The following ST8SIA2 variants were observed in gnomAD, a reference collection of about 807,000 sequenced individuals.
ST8SIA2 encodes the protein alpha-2,8-sialyltransferase 8B.
Under a neutral mutation model 37.6 loss-of-function variants are expected in ST8SIA2, and 22 were observed. The observed-to-expected ratio is 0.58, with a 90% CI of 0.42 to 0.83. The LOEUF (loss-of-function observed/expected upper bound fraction) is 0.83. Ranked by LOEUF, ST8SIA2 falls within the 40% of genes least tolerant of loss-of-function variation. The pLI is 0.00. For missense variants in ST8SIA2, 382 were observed against 484.7 expected, an observed-to-expected ratio of 0.79 and a Z score of 1.99; for synonymous variants, 205 against 201.2, an observed-to-expected ratio of 1.02 and a Z score of -0.16.
intron 4 of ST8SIA2, among the ~76,000 whole-genome samples, chr15:92,440,405 C>T (rs940904695): frequency 1.3e-5 from 2 of 152,126 alleles, no homozygotes; most frequent in East Asian, 1.9e-4. Flanking sequence ...CCCCAGGGGA[C>T]GCCACTGCTG....
intron 5 of ST8SIA2, chr15:92,445,132 A>G (rs182178977): frequency 4.2e-6 from 3 of 707,296 alleles, no homozygotes; most frequent in Admixed American, 2.3e-5. Context: ...TGGCATGCCA[A>G]TTTTGACCAA....
chr15:92,396,715 A>G (rs751377174), intron 1 of ST8SIA2, among the ~76,000 whole-genome samples: 1 of 152,104 alleles, frequency 6.6e-6, no homozygotes, highest in African/African-American at 2.4e-5. Flanking sequence ...GCTGGTCTCA[A>G]TCACCTCAGG....
intron 1 of ST8SIA2, among the ~76,000 whole-genome samples, chr15:92,426,456 G>A (rs1596238121): frequency 6.6e-6 from 1 of 152,166 alleles, no homozygotes; most frequent in Non-Finnish European, 1.5e-5. Flanking sequence ...GAGTGCCGAG[G>A]TTGAGAACCC....
At chr15:92,401,285 C>T (rs532150739) in intron 1 of ST8SIA2, among the ~76,000 whole-genome samples, 117 of 152,306 alleles carry the variant, frequency 7.7e-4, no homozygotes, top group South Asian at 2.3e-3. Flanking sequence ...GCTGACCGCC[C>T]CTGGGCTTGC....
Position 92,450,017 on chromosome 15 carries a change from G to A in ST8SIA2, c.842+5088G>A, listed in dbSNP as rs7162682. ...AAATTCACTCTTAGAAGAAAACTTA[G>A]GAGAAGGTTTTCATCACCTTGTGTT... On this transcript the variant is annotated intron_variant, in intron 5 of 5. Coordinates refer to ENST00000268164, the MANE Select transcript of ST8SIA2 (RefSeq NM_006011.4). Among the ~76,000 whole-genome samples, 799 of 152,278 alleles carry A rather than the reference G, an allele frequency of 5.2e-3. 9 individuals are homozygous for A. The highest frequency in any genetic ancestry group is 0.018 in the African/African-American group (763 of 41,544).
chr15:92,407,014 G>A (rs57012885), intron 1 of ST8SIA2, among the ~76,000 whole-genome samples: 47,297 of 138,984 alleles, frequency 0.34, 8,537 homozygotes, highest in Non-Finnish European at 0.42. Context: ...AAAAAGAAAA[G>A]AAAAAAAAAA....
intron 1 of ST8SIA2, among the ~76,000 whole-genome samples, chr15:92,406,757 AG>A (rs2049510444): frequency 6.6e-6 from 1 of 152,120 alleles, no homozygotes; most frequent in Non-Finnish European, 1.5e-5. Context: ...GCACTTTGGG[AG>A]GCAGAGGTGA....
intron 1 of ST8SIA2, among the ~76,000 whole-genome samples, chr15:92,412,369 G>T (rs888241530): frequency 1.3e-5 from 2 of 151,912 alleles, no homozygotes; most frequent in African/African-American, 2.4e-5. Flanking sequence ...AGGGATGAAG[G>T]TTCAGAGGAG....
chr15:92,409,770 G>T (rs886236749), intron 1 of ST8SIA2, among the ~76,000 whole-genome samples: 20 of 152,210 alleles, frequency 1.3e-4, no homozygotes, highest in African/African-American at 4.3e-4. Context: ...GGAAAAAGGC[G>T]TCAGGACGGT....
At chr15:92,448,285 C>T (rs2049856514) in intron 5 of ST8SIA2, among the ~76,000 whole-genome samples, 1 of 152,212 alleles carries the variant, frequency 6.6e-6, no homozygotes, top group Non-Finnish European at 1.5e-5. Flanking sequence ...GATCCTCTCC[C>T]TCCGTGGGGC....
chr15:92,416,634 C>A (rs1027027437), intron 1 of ST8SIA2, among the ~76,000 whole-genome samples: 1 of 152,096 alleles, frequency 6.6e-6, no homozygotes, highest in Non-Finnish European at 1.5e-5. Flanking sequence ...GCAGAGAGAA[C>A]GTGCCGTTGG....
Position 92,396,974 on chromosome 15 carries a change from C to T in ST8SIA2, c.98+2812C>T, listed in dbSNP as rs137870714. On this transcript the variant is annotated intron_variant, in intron 1 of 5. Transcript: ENST00000268164. ...CAGGCACAAGAGGCTTTTGCACCAG[C>T]CCTGCCCCTCCATCCCCAACTCACT... Among the ~76,000 whole-genome samples, 524 of 152,316 alleles carry T rather than the reference C, an allele frequency of 3.4e-3. 6 individuals carry two copies. The highest frequency in any genetic ancestry group is 0.011 in the African/African-American group (470 of 41,572).
intron 1 of ST8SIA2, among the ~76,000 whole-genome samples, chr15:92,411,936 T>C (rs2049552265): frequency 6.6e-6 from 1 of 152,104 alleles, no homozygotes; most frequent in Admixed American, 6.5e-5. Flanking sequence ...GCAAAGGCCA[T>C]GCAGAAGGGC....
intron 5 of ST8SIA2, among the ~76,000 whole-genome samples, chr15:92,455,366 A>AT (rs957636434): frequency 1.2e-3 from 173 of 150,120 alleles, no homozygotes; most frequent in African/African-American, 3.1e-3. Context: ...TCTCTCTCCA[A>AT]TTTTTTTTTT....
chr15:92,448,408 G>A (rs1165163999), intron 5 of ST8SIA2, among the ~76,000 whole-genome samples: 1 of 152,232 alleles, frequency 6.6e-6, no homozygotes, highest in Non-Finnish European at 1.5e-5. Context: ...GCAAGTGGAG[G>A]AATGGGCTGG....
chr15:92,394,163 G>C lies in ST8SIA2; in HGVS notation c.98+1G>C. On this transcript the variant is annotated splice_donor_variant, in intron 1 of 5. Transcript: ENST00000268164. LOFTEE classifies it high-confidence loss of function. ...TCTCAGAGATCGAAGAAGAAATCGGGTAAATAGCTGCTCCCAGGCCCGTGC... is the reference window on the plus strand; with the variant it reads ...TCTCAGAGATCGAAGAAGAAATCGGCTAAATAGCTGCTCCCAGGCCCGTGC... The C allele has an allele frequency of 6.4e-7, 1 of 1,553,734 alleles. No individual in the cohort carries two copies. The highest frequency in any genetic ancestry group is 8.7e-7 in the Non-Finnish European group (1 of 1,147,416).
intron 5 of ST8SIA2, among the ~76,000 whole-genome samples, chr15:92,449,911 T>G (rs937106151): frequency 2.0e-5 from 3 of 152,226 alleles, no homozygotes; most frequent in African/African-American, 4.8e-5. Flanking sequence ...CTTTGTCGGA[T>G]GCATAGTTTG....
At chr15:92,446,088 T>G (rs1172171675) in intron 5 of ST8SIA2, among the ~76,000 whole-genome samples, 1 of 152,214 alleles carries the variant, frequency 6.6e-6, no homozygotes, top group Non-Finnish European at 1.5e-5. Context: ...TTATATTGTT[T>G]ACAATTTCTG....
rs371924325 is a variant in ST8SIA2 at position 92,428,713 on chromosome 15, A to G, written c.99-1336A>G. Among the ~76,000 whole-genome samples the G allele has an allele frequency of 3.9e-4, 59 of 152,346 alleles. No homozygotes were observed. In the East Asian group the frequency reaches 0.01, roughly 26 times the overall value. On this transcript the variant is annotated intron_variant, in intron 1 of 5. Transcript: ENST00000268164. The stretch of plus-strand genomic sequence containing the variant: ...GGACAAAAATAAATATTAGGCATCA[A>G]ATTAAAATGAGAAGACCCAACGTTA...
Sources: allele counts gnomAD v4.1 joint callset (sites outside exome capture counted in the v4.1 genomes callset), GRCh38; gene constraint gnomAD v4.1.1; transcripts MANE v1.5; gene names NCBI Gene and HGNC (gene_info 2026-07-23, HGNC 2026-07-21).